The following RBMS1 variants were observed in gnomAD, a reference collection of about 807,000 sequenced individuals.
RBMS1 encodes the protein RNA-binding motif, single-stranded-interacting protein 1.
RBMS1 carries 17 observed loss-of-function variants against 62.3 expected under a neutral mutation model. The observed-to-expected ratio is 0.27, with a 90% CI of 0.19 to 0.41. The LOEUF (loss-of-function observed/expected upper bound fraction) is 0.41, where lower values mean the gene tolerates loss of function less well. Among genes scored for constraint, RBMS1 ranks in the 10% least tolerant of loss-of-function variants. The pLI, the probability that RBMS1 is intolerant of heterozygous loss-of-function variation, is 1.00. For missense variants in RBMS1, 334 were observed against 504.5 expected, an observed-to-expected ratio of 0.66 and a Z score of 3.24; for synonymous variants, 172 against 170.0, an observed-to-expected ratio of 1.01 and a Z score of -0.09.
chr2:160,441,281 A>G (rs548055625), intron 1 of RBMS1, among the ~76,000 whole-genome samples: 12 of 152,162 alleles, frequency 7.9e-5, no homozygotes, highest in Non-Finnish European at 1.6e-4. Flanking sequence ...GGACATTTGG[A>G]TTGTTTCCAG....
At chr2:160,469,393 C>T (rs2105342208) in intron 1 of RBMS1, among the ~76,000 whole-genome samples, 1 of 152,264 alleles carries the variant, frequency 6.6e-6, no homozygotes, top group Admixed American at 6.5e-5. Context: ...TGCCACCCAG[C>T]CCTGACTCCA....
intron 1 of RBMS1, among the ~76,000 whole-genome samples, chr2:160,384,277 A>G (rs1694453847): frequency 6.6e-6 from 1 of 152,216 alleles, no homozygotes; most frequent in Admixed American, 6.5e-5. Context: ...ATGGCATAGA[A>G]TTTTACCTAT....
intron 1 of RBMS1, among the ~76,000 whole-genome samples, chr2:160,393,084 G>A (rs1209465932): frequency 6.6e-6 from 1 of 151,828 alleles, no homozygotes; most frequent in African/African-American, 2.4e-5. Flanking sequence ...TTCTAATTTA[G>A]TATCCTAATA....
chr2:160,312,088 T>G (rs1218340631), intron 4 of RBMS1, among the ~76,000 whole-genome samples: 1 of 152,086 alleles, frequency 6.6e-6, no homozygotes, highest in East Asian at 1.9e-4. Flanking sequence ...GAAAGTGGGG[T>G]TGGGGGGAGA....
chr2:160,424,420 G>C lies in RBMS1; in HGVS notation c.76-57029C>G, dbSNP rs573061822. The stretch of plus-strand genomic sequence containing the variant: ...TCTCATACTTATTAGCACTCTTACT[G>C]TCTGTTTTGTCTGGTTTTCACTCAG... On this transcript the variant is annotated intron_variant, in intron 1 of 13. Coordinates refer to ENST00000348849, the MANE Select transcript of RBMS1 (RefSeq NM_016836.4). Among the ~76,000 whole-genome samples, 8 of 151,652 alleles carry C rather than the reference G, an allele frequency of 5.3e-5. No homozygotes were observed. In the South Asian group the frequency reaches 1.0e-3, roughly 20 times the overall value.
chr2:160,441,981 G>A (rs570420277), intron 1 of RBMS1, among the ~76,000 whole-genome samples: 3 of 152,168 alleles, frequency 2.0e-5, no homozygotes, highest in Admixed American at 6.5e-5. Flanking sequence ...GCCTTTTCAA[G>A]TATTTAATTG....
intron 1 of RBMS1, among the ~76,000 whole-genome samples, chr2:160,389,154 C>T (rs995122609): frequency 5.3e-5 from 8 of 152,136 alleles, no homozygotes; most frequent in African/African-American, 1.9e-4. Context: ...AGATAATGAC[C>T]GATAAGTATA....
At chr2:160,405,648 T>C (rs1422943592) in intron 1 of RBMS1, among the ~76,000 whole-genome samples, 1 of 152,186 alleles carries the variant, frequency 6.6e-6, no homozygotes, top group African/African-American at 2.4e-5. Context: ...GAAAGTCTGT[T>C]TGTTTTTCTG....
At chr2:160,294,189 AT>A (rs1236214692) in intron 6 of RBMS1, among the ~76,000 whole-genome samples, 3 of 152,320 alleles carry the variant, frequency 2.0e-5, no homozygotes, top group East Asian at 1.9e-4. Context: ...ATAAGCAATT[AT>A]TTTTTCCCCC....
At chr2:160,441,706 A>C (rs1204996508) in intron 1 of RBMS1, among the ~76,000 whole-genome samples, 1 of 152,288 alleles carries the variant, frequency 6.6e-6, no homozygotes, top group Non-Finnish European at 1.5e-5. Context: ...CCTAGGCAAC[A>C]GAGTGAGACG....
intron 5 of RBMS1, chr2:160,302,462 T>C (rs2105952028): frequency 6.6e-6 from 1 of 152,374 alleles, no homozygotes; most frequent in East Asian, 1.9e-4. Context: ...CCCCAAATGC[T>C]GGGATTATAG....
intron 6 of RBMS1, among the ~76,000 whole-genome samples, chr2:160,296,087 C>T (rs930901515): frequency 3.9e-5 from 6 of 152,172 alleles, no homozygotes; most frequent in Admixed American, 6.5e-5. Flanking sequence ...TGCTCAATGC[C>T]GGAGGCTGAC....
chr2:160,366,578 C>T (rs1353044028), intron 2 of RBMS1, among the ~76,000 whole-genome samples: 2 of 152,194 alleles, frequency 1.3e-5, no homozygotes, highest in South Asian at 4.1e-4. Flanking sequence ...AGTGTAATTG[C>T]AGCAAAGAAG....
intron 4 of RBMS1, among the ~76,000 whole-genome samples, chr2:160,304,065 G>T (rs1309277954): frequency 6.6e-6 from 1 of 152,000 alleles, no homozygotes; most frequent in Non-Finnish European, 1.5e-5. Context: ...GTCAATTCTG[G>T]GTAGGGAAAA....
intron 9 of RBMS1, chr2:160,281,636 G>C (rs1401071980): frequency 1.6e-5 from 5 of 319,192 alleles, no homozygotes; most frequent in Non-Finnish European, 1.2e-5. Context: ...GAAACAGACT[G>C]GGCCCCACCC....
intron 1 of RBMS1, among the ~76,000 whole-genome samples, chr2:160,423,536 C>T (rs1054671930): frequency 6.6e-6 from 1 of 152,138 alleles, no homozygotes; most frequent in African/African-American, 2.4e-5. Context: ...CCCACTTGTC[C>T]CCACACAACA....
chr2:160,458,883 T>A (rs1160993170), intron 1 of RBMS1, among the ~76,000 whole-genome samples: 1 of 152,186 alleles, frequency 6.6e-6, no homozygotes, highest in Non-Finnish European at 1.5e-5. Flanking sequence ...AGAAATGGCT[T>A]ACTGGATGGG....
intron 2 of RBMS1, among the ~76,000 whole-genome samples, chr2:160,350,084 T>C (rs1692412918): frequency 6.6e-6 from 1 of 151,840 alleles, no homozygotes; most frequent in Admixed American, 6.6e-5. Flanking sequence ...AGTGAAGTGA[T>C]GGAGGACAGT....
At chr2:160,326,088 T>C (rs1366342318) in intron 2 of RBMS1, among the ~76,000 whole-genome samples, 1 of 152,120 alleles carries the variant, frequency 6.6e-6, no homozygotes, top group Admixed American at 6.6e-5. Flanking sequence ...AGCCAGGGTT[T>C]AAAGGAGAAT....
Sources: gnomAD v4.1 joint callset for allele counts (sites outside exome capture counted in the v4.1 genomes callset) on GRCh38, gnomAD v4.1.1 for gene constraint, MANE v1.5 for transcripts, NCBI Gene and HGNC (gene_info 2026-07-23, HGNC 2026-07-21) for gene names.